Variants in VAC14 observed in about 807,000 individuals in gnomAD.
VAC14 encodes the protein VAC14 component of PIKFYVE complex.
Under a neutral mutation model 85.3 loss-of-function variants are expected in VAC14, and 47 were observed. The ratio of observed to expected loss-of-function variants is 0.55; its 90% CI spans 0.44 to 0.70. The LOEUF (loss-of-function observed/expected upper bound fraction) is 0.70. VAC14 is among the 30% of genes least tolerant of loss of function. The pLI, the probability that VAC14 is intolerant of heterozygous loss-of-function variation, is 0.00. For missense variants in VAC14, 861 were observed against 1,004.3 expected (o/e 0.86, Z 1.93); for synonymous variants, 447 against 430.5 (o/e 1.04, Z -0.47).
intron 13 of VAC14, among the ~76,000 whole-genome samples, chr16:70,736,033 G>A (rs2054740081): frequency 6.6e-6 from 1 of 152,234 alleles, no homozygotes; most frequent in South Asian, 2.1e-4. Context: ...TGGTGGCCTG[G>A]CTGGAGGGCA....
At chr16:70,691,898 C>G (rs1401235347) in intron 18 of VAC14, 1 of 985,134 alleles carries the variant, frequency 1.0e-6, no homozygotes, top group Non-Finnish European at 1.2e-6. Flanking sequence ...AGGCGAGCAC[C>G]CGAGGCCCTT....
chr16:70,720,035 C>CA (rs1056882134), intron 14 of VAC14, among the ~76,000 whole-genome samples: 1 of 152,194 alleles, frequency 6.6e-6, no homozygotes, highest in African/African-American at 2.4e-5. Flanking sequence ...ACATCCAACA[C>CA]AGACGAATCT....
intron 1 of VAC14, among the ~76,000 whole-genome samples, chr16:70,791,461 T>C (rs547806145): frequency 1.1e-4 from 17 of 152,312 alleles, no homozygotes; most frequent in Admixed American, 3.9e-4. Flanking sequence ...CTCGGCTCAC[T>C]GCAGCCTCTG....
intron 12 of VAC14, among the ~76,000 whole-genome samples, chr16:70,757,155 A>T (rs2031934697): frequency 6.6e-6 from 1 of 151,996 alleles, no homozygotes; most frequent in South Asian, 2.1e-4. Context: ...TGCTGGGAAG[A>T]CTCTGGGGAC....
At position 70,762,481 on chromosome 16, in the gene VAC14, T is replaced by A; in HGVS notation, c.1371+59A>T. 2.6e-6 allele frequency: 4 copies of A among 1,530,996 alleles called. No individual in the cohort carries two copies. The highest frequency in any genetic ancestry group is 3.6e-6 in the Non-Finnish European group (4 of 1,107,390). 94.8% of individuals were successfully genotyped at this position (1,530,996 alleles called of 1,614,324 possible). A position where few individuals can be genotyped will look rare whatever the true frequency, so the allele number is the denominator to read the frequency against. ...ACCAAAATAAGCATATCTCAGTCAC[T>A]AACAAGGGGAGGCAGGGCAGCCGAT... On this transcript the variant is annotated intron_variant, in intron 12 of 18. Coordinates refer to ENST00000261776, the MANE Select transcript of VAC14 (RefSeq NM_018052.5). The surrounding 1 kb of genome is among the most constrained non-coding windows in gnomAD (Gnocchi z 4.1).
At chr16:70,761,849 G>C (rs567924379) in intron 12 of VAC14, among the ~76,000 whole-genome samples, 1 of 152,206 alleles carries the variant, frequency 6.6e-6, no homozygotes, top group South Asian at 2.1e-4. Flanking sequence ...CTAACTGAGC[G>C]TGCAGCAGGG....
At chr16:70,788,606 G>A (rs1026179158) in intron 1 of VAC14, among the ~76,000 whole-genome samples, 1 of 152,236 alleles carries the variant, frequency 6.6e-6, no homozygotes, top group Non-Finnish European at 1.5e-5. Flanking sequence ...CCAGCCAGGT[G>A]AGACCCAATC....
At position 70,687,793 on chromosome 16, in the gene VAC14, C is replaced by A; in HGVS notation, c.*135G>T. 1.0e-6 allele frequency: 1 copy of A among 998,090 alleles called. No individual in the cohort carries two copies. Among genetic ancestry groups the A allele is most frequent in the South Asian group, 3.5e-5 (1 of 28,554 alleles). The allele number at this position is 998,090 out of a possible 1,614,324, so 61.8% of individuals were successfully genotyped here. On this transcript the variant is annotated 3_prime_UTR_variant, in exon 19 of 19. Coordinates refer to ENST00000261776, the MANE Select transcript of VAC14 (RefSeq NM_018052.5). ...GAGCTTGGGCAGACACAGCAGCCTC[C>A]GGCCCCAACACTGCCCTGGGTTGGC... is the stretch of plus-strand genomic sequence containing the variant.
chr16:70,766,172 AG>A (rs373956667), intron 10 of VAC14, among the ~76,000 whole-genome samples: 2 of 149,218 alleles, frequency 1.3e-5, no homozygotes, highest in Non-Finnish European at 1.5e-5. Flanking sequence ...AAAAAAAAAA[AG>A]AAAAACAAGG....
chr16:70,752,953 C>T (rs1245140056), intron 12 of VAC14, among the ~76,000 whole-genome samples: 4 of 150,800 alleles, frequency 2.7e-5, no homozygotes, highest in Non-Finnish European at 5.9e-5. Flanking sequence ...TCTGAGTGGA[C>T]GGGGGGACAT....
chr16:70,716,772 A>T (rs1353994645), intron 14 of VAC14: 1 of 152,262 alleles, frequency 6.6e-6, no homozygotes, highest in Non-Finnish European at 1.5e-5. Context: ...CTCTGCCTGC[A>T]TGGATGCTTC....
At chr16:70,697,387 G>A (rs183751547) in intron 15 of VAC14, 130 bp from the exon 16 acceptor site, 59 of 670,868 alleles carry the variant, frequency 8.8e-5, no homozygotes, top group East Asian at 1.7e-4. Context: ...GCCAGAGCCA[G>A]CTTAGCACCC....
intron 14 of VAC14, among the ~76,000 whole-genome samples, chr16:70,728,568 G>C (rs2054497095): frequency 6.6e-6 from 1 of 152,234 alleles, no homozygotes; most frequent in Non-Finnish European, 1.5e-5. Context: ...CTGGCCTCCA[G>C]CTTCACAGAG....
intron 12 of VAC14, among the ~76,000 whole-genome samples, chr16:70,746,664 G>C (rs2030919030): frequency 6.6e-6 from 1 of 152,238 alleles, no homozygotes; most frequent in Non-Finnish European, 1.5e-5. Context: ...GAGCCTCCAG[G>C]GATTCTTTGC....
intron 13 of VAC14, among the ~76,000 whole-genome samples, chr16:70,743,518 T>C (rs1238898791): frequency 1.3e-5 from 2 of 152,082 alleles, no homozygotes; most frequent in Non-Finnish European, 2.9e-5. Context: ...CGTGGCTTCA[T>C]TCTTGAAGTC....
intron 14 of VAC14, among the ~76,000 whole-genome samples, chr16:70,721,879 C>T (rs945805486): frequency 6.6e-6 from 1 of 152,118 alleles, no homozygotes; most frequent in South Asian, 2.1e-4. Context: ...CGTGTCCCCC[C>T]ACATCAGTCT....
At chr16:70,727,861 G>C (rs1215276118) in intron 14 of VAC14, among the ~76,000 whole-genome samples, 1 of 152,250 alleles carries the variant, frequency 6.6e-6, no homozygotes, top group African/African-American at 2.4e-5. Flanking sequence ...CAACCCTGGA[G>C]CTGGTTGACA....
intron 16 of VAC14, among the ~76,000 whole-genome samples, chr16:70,696,527 C>T (rs1054990675): frequency 5.3e-5 from 8 of 152,174 alleles, no homozygotes; most frequent in Non-Finnish European, 8.8e-5. Flanking sequence ...AACAAAACAT[C>T]TAACTCTGGA....
At chr16:70,789,327 G>A (rs1056140271) in intron 1 of VAC14, among the ~76,000 whole-genome samples, 4 of 152,188 alleles carry the variant, frequency 2.6e-5, no homozygotes, top group African/African-American at 4.8e-5. Flanking sequence ...AACTGGACAC[G>A]CACACCCTCC....
Sources: allele counts gnomAD v4.1 joint callset (sites outside exome capture counted in the v4.1 genomes callset), GRCh38; gene constraint gnomAD v4.1.1; non-coding constraint Gnocchi (gnomAD v3.1); transcripts MANE v1.5; gene names NCBI Gene and HGNC (gene_info 2026-07-23, HGNC 2026-07-21).